LIPE: variants seen among roughly 807,000 people sequenced by gnomAD.
LIPE encodes the protein lipase E, hormone sensitive type.
A neutral mutation model predicts 88.5 loss-of-function variants in LIPE; 66 were observed. The observed-to-expected ratio is 0.75, with a 90% confidence interval of 0.61 to 0.91. The LOEUF is 0.91. LIPE is among the 40% of genes least tolerant of loss of function. The pLI is 0.00. For synonymous variants in LIPE, 570 were observed against 617.5 expected (o/e 0.92, Z 1.14); for missense variants, 1,346 against 1,434.7 (o/e 0.94, Z 1.00).
intron 1 of LIPE, among the ~76,000 whole-genome samples, chr19:42,415,434 T>A (rs1261016613): frequency 6.6e-6 from 1 of 152,146 alleles, no homozygotes; most frequent in Admixed American, 6.5e-5. Context: ...CTTCTGCCAG[T>A]TAGCTAAGTT....
At position 42,414,535 on chromosome 19, in the gene LIPE, T is replaced by A. The variant is rs148820636; in HGVS notation, c.884-3693A>T. Among the ~76,000 whole-genome samples, 11 of 152,366 alleles carry A rather than the reference T, an allele frequency of 7.2e-5. No individual in the cohort carries two copies. Among genetic ancestry groups the A allele is most frequent in the African/African-American group, 2.6e-4 (11 of 41,594 alleles). On this transcript the variant is annotated intron_variant, in intron 1 of 9. Coordinates refer to ENST00000244289, the MANE Select transcript of LIPE (RefSeq NM_005357.4). This position sits in a 1 kb window ranked among gnomAD's most constrained non-coding sequence, Gnocchi z 4.6. ...GATGGTGTATTGGGTGATTTTTCTC[T>A]GCGGCACTTGTCACCATCTAGCATA...
intron 1 of LIPE, chr19:42,423,373 A>G (rs1174834829): frequency 7.9e-7 from 1 of 1,265,792 alleles, no homozygotes; most frequent in Non-Finnish European, 1.0e-6. Flanking sequence ...GCCCCGTAGG[A>G]TGTACGAGGT....
In LIPE at chr19:42,407,068, T is replaced by G. The variant is rs1034439637; in HGVS notation, c.2137+106A>C. 83 of 967,460 alleles carry G rather than the reference T, an allele frequency of 8.6e-5. 1 individual carries two copies. In the South Asian group the frequency reaches 1.3e-3, roughly 15 times the overall value. 59.9% of individuals were successfully genotyped at this position (967,460 alleles called of 1,614,324 possible). A position where few individuals can be genotyped will look rare whatever the true frequency, so the allele number is the denominator to read the frequency against. On this transcript the variant is annotated intron_variant, in intron 6 of 9. Transcript: ENST00000244289. The surrounding 1 kb of genome is among the most constrained non-coding windows in gnomAD (Gnocchi z 5.8). ...CTGGGTGAGCAGGAGCTGGGAGGTG[T>G]GGGGGGAGAGAAAGGTAGAGGGTGT...
intron 2 of LIPE, among the ~76,000 whole-genome samples, chr19:42,409,557 CAG>C (rs2040306326): frequency 6.6e-6 from 1 of 152,202 alleles, no homozygotes; most frequent in African/African-American, 2.4e-5. Context: ...GTGACCAAGA[CAG>C]GGGAGGCCTC....
At position 42,406,018 on chromosome 19, in the gene LIPE, A is replaced by ACACG; in HGVS notation, c.2365+142_2365+143insCGTG. Reference sequence around the variant, plus strand: ...CACACACACACACACACACACACACACGAAAAAAAAGGGACAAGGAGTCTT... The same window carrying ACACG: ...CACACACACACACACACACACACACACACGCGAAAAAAAAGGGACAAGGAGTCTT... On this transcript the variant is annotated intron_variant, in intron 7 of 9. Transcript: ENST00000244289. The surrounding 1 kb of genome is among the most constrained non-coding windows in gnomAD (Gnocchi z 5.7). The ACACG allele has an allele frequency of 6.5e-6, 4 of 619,448 alleles. No homozygotes were observed. The South Asian group carries it at 7.8e-5, about 12-fold the overall frequency. The allele number at this position is 619,448 out of a possible 1,614,324, so 38.4% of individuals were successfully genotyped here.
intron 1 of LIPE, among the ~76,000 whole-genome samples, chr19:42,413,653 G>A (rs951789838): frequency 2.6e-5 from 4 of 152,154 alleles, no homozygotes; most frequent in African/African-American, 9.7e-5. Context: ...GTGACAGAGC[G>A]AGACTCTGTC....
Position 42,407,155 on chromosome 19 carries a change from G to A in LIPE, c.2137+19C>T, listed in dbSNP as rs1326559657. On this transcript the variant is annotated intron_variant, in intron 6 of 9. Transcript: ENST00000244289. The surrounding 1 kb of genome is among the most constrained non-coding windows in gnomAD (Gnocchi z 5.8). ...GGGATGGGAGCAGGCGCAGGTGGCT[G>A]TGGGGGCCTGAGGCTCACCAAGGAG... is the stretch of plus-strand genomic sequence containing the variant. 3 of 1,475,974 alleles carry A rather than the reference G, an allele frequency of 2.0e-6. No individual in the cohort carries two copies. The highest frequency in any genetic ancestry group is 2.7e-5 in the South Asian group (2 of 73,404). 91.4% of individuals were successfully genotyped at this position (1,475,974 alleles called of 1,614,324 possible).
At chr19:42,420,545 T>TCA (rs2040578276) in intron 1 of LIPE, among the ~76,000 whole-genome samples, 1 of 151,934 alleles carries the variant, frequency 6.6e-6, no homozygotes, top group South Asian at 2.1e-4. Flanking sequence ...CCCCATTTGC[T>TCA]CAAGCTGGAA....
chr19:42,424,719 T>C (rs916617054), intron 1 of LIPE: 3 of 428,936 alleles, frequency 7.0e-6, no homozygotes, highest in African/African-American at 4.1e-5. Flanking sequence ...TAGGGCTGCG[T>C]TGGTTTTTCC....
chr19:42,419,798 G>A (rs2040560317), intron 1 of LIPE, among the ~76,000 whole-genome samples: 1 of 152,102 alleles, frequency 6.6e-6, no homozygotes, highest in African/African-American at 2.4e-5. Context: ...TGCAGGTGGG[G>A]ACAATGAGTG....
At position 42,418,859 on chromosome 19, in the gene LIPE, T is replaced by C. The variant is rs1267133973; in HGVS notation, c.883+7408A>G. On this transcript the variant is annotated intron_variant, in intron 1 of 9. Coordinates refer to ENST00000244289, the MANE Select transcript of LIPE (RefSeq NM_005357.4). ...TTATATTGTTTGCTCTCTGATTCCCTCACTAGATTGTAAACTCCCTGAGGG... is the reference window on the plus strand; with the variant it reads ...TTATATTGTTTGCTCTCTGATTCCCCCACTAGATTGTAAACTCCCTGAGGG... 3.9e-5 allele frequency among the ~76,000 whole-genome samples: 6 copies of C among 152,288 alleles called. No homozygotes were observed. In the East Asian group the frequency reaches 1.2e-3, roughly 29 times the overall value.
In LIPE at chr19:42,410,008, G is replaced by A. The variant is rs1487155785; in HGVS notation, c.1419+299C>T. ...CTCAAGTGACTTCAGGGGCCAGACA[G>A]GTAACAAAGAGTGAATACATCTCTT... On this transcript the variant is annotated intron_variant, in intron 2 of 9. Coordinates refer to ENST00000244289, the MANE Select transcript of LIPE (RefSeq NM_005357.4). The surrounding 1 kb of genome is among the most constrained non-coding windows in gnomAD (Gnocchi z 6.1). Among the ~76,000 whole-genome samples, 1 of 152,168 alleles carries A rather than the reference G, an allele frequency of 6.6e-6. No individual in the cohort carries two copies. The highest frequency in any genetic ancestry group is 1.5e-5 in the Non-Finnish European group (1 of 68,026).
Position 42,410,700 on chromosome 19 carries a change from C to G in LIPE, c.1026G>C (p.Arg342=). The G allele has an allele frequency of 6.2e-7, 1 of 1,613,688 alleles. No individual in the cohort carries two copies. Among genetic ancestry groups the G allele is most frequent in the Non-Finnish European group, 8.5e-7 (1 of 1,179,742 alleles). The change falls in exon 2 of 10, where the codon CGG becomes CGC. Residue 342 remains arginine, a synonymous_variant. Coordinates refer to ENST00000244289, the MANE Select transcript of LIPE (RefSeq NM_005357.4). The surrounding 1 kb of genome is among the most constrained non-coding windows in gnomAD (Gnocchi z 6.1). ...CCGGCTCCAGCCCCAGCGCCTGCTC[C>G]CGTACACCGGCAAAAACGCCTGACA... ...QRLSGVFAGV[R]EQALGLEPAL...
intron 1 of LIPE, among the ~76,000 whole-genome samples, chr19:42,420,194 G>A (rs1490804704): frequency 6.6e-6 from 1 of 152,058 alleles, no homozygotes. Context: ...CCAGCAGGGG[G>A]CAGCTCCAGG....
At chr19:42,418,664 T>A (rs984082760) in intron 1 of LIPE, among the ~76,000 whole-genome samples, 1 of 151,880 alleles carries the variant, frequency 6.6e-6, no homozygotes, top group Non-Finnish European at 1.5e-5. Context: ...AAAAAAAAAA[T>A]TAAAATATGT....
At chr19:42,412,097 C>A (rs1376184181) in intron 1 of LIPE, among the ~76,000 whole-genome samples, 1 of 152,208 alleles carries the variant, frequency 6.6e-6, no homozygotes, top group East Asian at 1.9e-4. Context: ...TTGCCCTGGA[C>A]TACGTCTGAT....
chr19:42,409,291 C>T (rs1275471725), intron 2 of LIPE, among the ~76,000 whole-genome samples: 1 of 151,800 alleles, frequency 6.6e-6, no homozygotes, highest in African/African-American at 2.4e-5. Flanking sequence ...GTGGCTCATG[C>T]CTGTAAACCC....
rs1274292601 is a variant in LIPE, at chr19:42,410,259, C to G, written c.1419+48G>C. On this transcript the variant is annotated intron_variant, in intron 2 of 9. Transcript: ENST00000244289. This position sits in a 1 kb window ranked among gnomAD's most constrained non-coding sequence, Gnocchi z 6.1. ...TACTATAGGCCAGGCCAGGGGCCAC[C>G]AGGTGCCTTCATTGTGGGCCCAGAG... 1 of 1,506,248 alleles carries G rather than the reference C, an allele frequency of 6.6e-7. No homozygotes were observed. The highest frequency in any genetic ancestry group is 8.9e-7 in the Non-Finnish European group (1 of 1,120,828). The allele number at this position is 1,506,248 out of a possible 1,614,324, so 93.3% of individuals were successfully genotyped here. A position where few individuals can be genotyped will look rare whatever the true frequency, so the allele number is the denominator to read the frequency against.
At chr19:42,403,618 TTG>T (rs2040071908) in intron 8 of LIPE, among the ~76,000 whole-genome samples, 1 of 151,774 alleles carries the variant, frequency 6.6e-6, no homozygotes, top group Non-Finnish European at 1.5e-5. Context: ...CGGCTAATTT[TTG>T]TGTTTTTTTT....
Sources: gnomAD v4.1 joint callset for allele counts (sites outside exome capture counted in the v4.1 genomes callset) on GRCh38, gnomAD v4.1.1 for gene constraint, Gnocchi (gnomAD v3.1) non-coding constraint, MANE v1.5 for transcripts, NCBI Gene and HGNC (gene_info 2026-07-23, HGNC 2026-07-21) for gene names.